Variants in DDHD1 observed in about 807,000 individuals in gnomAD.
DDHD1 encodes phospholipase DDHD1.
Under a neutral mutation model 96.4 loss-of-function variants are expected in DDHD1, and 49 were observed. The ratio of observed to expected loss-of-function variants is 0.51; its 90% confidence interval spans 0.40 to 0.64. The LOEUF is 0.64. Among genes scored for constraint, DDHD1 ranks in the 30% least tolerant of loss-of-function variants. DDHD1 has a pLI of 0.00. For missense variants in DDHD1, 1,106 were observed against 1,161.2 expected (o/e 0.95, Z 0.69); for synonymous variants, 442 against 446.5 (o/e 0.99, Z 0.13).
At position 53,152,121 on chromosome 14, in the gene DDHD1, C is replaced by A; in HGVS notation, c.838+140G>T. 4.7e-6 allele frequency: 4 copies of A among 854,920 alleles called. No homozygotes were observed. In the Admixed American group the frequency reaches 1.0e-4, roughly 22 times the overall value. The allele number at this position is 854,920 out of a possible 1,614,324, so 53.0% of individuals were successfully genotyped here. The stretch of plus-strand genomic sequence containing the variant: ...ACCCTTCAGCTGCCGACGCTCCCTG[C>A]TCAATCTCCATCCTGCCCCAGCCAA... On this transcript the variant is annotated intron_variant, in intron 1 of 12. Transcript: ENST00000673822.
intron 1 of DDHD1, among the ~76,000 whole-genome samples, chr14:53,140,653 A>G (rs1251614842): frequency 6.6e-6 from 1 of 152,220 alleles, no homozygotes; most frequent in Non-Finnish European, 1.5e-5. Context: ...AATCCCAAAG[A>G]AGGCAGGAAA....
At chr14:53,122,965 T>C (rs1412724323) in intron 1 of DDHD1, among the ~76,000 whole-genome samples, 1 of 151,874 alleles carries the variant, frequency 6.6e-6, no homozygotes, top group East Asian at 1.9e-4. Context: ...GAAACCCAAA[T>C]AGTTAACAAA....
chr14:53,077,463 A>G (rs1885070262), intron 4 of DDHD1, among the ~76,000 whole-genome samples: 1 of 152,162 alleles, frequency 6.6e-6, no homozygotes, highest in Non-Finnish European at 1.5e-5. Context: ...ATAAATGGTT[A>G]ATTCTTCCCT....
chr14:53,132,967 G>A (rs912564530), intron 1 of DDHD1, among the ~76,000 whole-genome samples: 1 of 152,080 alleles, frequency 6.6e-6, no homozygotes, highest in Non-Finnish European at 1.5e-5. Flanking sequence ...CCCACATAAG[G>A]CAAATGGTTC....
chr14:53,114,565 G>A (rs1888401153), intron 1 of DDHD1, among the ~76,000 whole-genome samples: 1 of 152,218 alleles, frequency 6.6e-6, no homozygotes, highest in Non-Finnish European at 1.5e-5. Context: ...TTGCTGTTCT[G>A]CAGCTTCCAC....
intron 4 of DDHD1, among the ~76,000 whole-genome samples, chr14:53,079,950 C>T (rs1198281117): frequency 6.6e-6 from 1 of 152,208 alleles, no homozygotes; most frequent in Non-Finnish European, 1.5e-5. Context: ...GATACTGCCA[C>T]ATACTCGTTT....
At chr14:53,093,531 A>G (rs1430912971) in intron 2 of DDHD1, 87 bp from the exon 3 acceptor site, 2 of 1,519,514 alleles carry the variant, frequency 1.3e-6, no homozygotes, top group African/African-American at 1.4e-5. Flanking sequence ...TTTTAAAATC[A>G]ATATGTTATC....
chr14:53,137,967 T>C (rs777475343), intron 1 of DDHD1, among the ~76,000 whole-genome samples: 18 of 152,102 alleles, frequency 1.2e-4, no homozygotes, highest in Admixed American at 1.3e-4. Flanking sequence ...AAACTTCTCA[T>C]CAGAAACTAT....
chr14:53,095,164 T>C (rs1162407089), intron 2 of DDHD1, among the ~76,000 whole-genome samples: 2 of 152,208 alleles, frequency 1.3e-5, no homozygotes, highest in Admixed American at 6.5e-5. Context: ...CTCTGGTATA[T>C]AGGTAGGAAA....
chr14:53,061,541 G>T (rs958129543), intron 7 of DDHD1, among the ~76,000 whole-genome samples: 5 of 151,966 alleles, frequency 3.3e-5, no homozygotes, highest in Admixed American at 2.0e-4. Context: ...ATACTTAAGA[G>T]TTTAGAGATC....
chr14:53,081,057 TTA>T (rs1160617772), intron 4 of DDHD1, among the ~76,000 whole-genome samples: 4 of 152,318 alleles, frequency 2.6e-5, no homozygotes, highest in African/African-American at 9.6e-5. Flanking sequence ...TGCATTATAA[TTA>T]TGTTTATTGA....
chr14:53,059,782 T>G (rs1883383520), intron 8 of DDHD1, among the ~76,000 whole-genome samples: 1 of 141,292 alleles, frequency 7.1e-6, no homozygotes. Context: ...GAGAATCACT[T>G]GAATCGGAGG....
intron 12 of DDHD1, chr14:53,049,176 G>C (rs1006579406): frequency 4.2e-4 from 64 of 152,076 alleles, no homozygotes; most frequent in African/African-American, 1.5e-3. Context: ...TATATTATGT[G>C]CCCTTATCAT....
At chr14:53,151,865 G>A (rs1891402457) in intron 1 of DDHD1, among the ~76,000 whole-genome samples, 1 of 152,134 alleles carries the variant, frequency 6.6e-6, no homozygotes, top group South Asian at 2.1e-4. Context: ...TCCTACTCCA[G>A]AAGACGTGCC....
In DDHD1 at chr14:53,152,584, T is replaced by C. The variant is rs376704556; in HGVS notation, c.515A>G (p.Tyr172Cys). ...CTTCCAGGTCTTCTTGTCCTCCTTG[T>C]AGAACCAGCGTACCTCCTCCGGGCC... is the stretch of plus-strand genomic sequence containing the variant. ...ELGPEEVRWF[Y>C]KEDKKTWKPF... is the part of the protein sequence containing the mutation. The change falls in exon 1 of 13, where the codon TAC (tyrosine) becomes TGC (cysteine). Residue 172 changes from tyrosine (Y) to cysteine (C), a missense_variant. This residue lies in a region of DDHD1 where 456 missense variants were observed against 402.4 expected (regional missense o/e 1.13). Transcript: ENST00000673822. 14 of 1,613,726 alleles carry C rather than the reference T, an allele frequency of 8.7e-6. No individual in the cohort carries two copies. The highest frequency in any genetic ancestry group is 4.5e-5 in the East Asian group (2 of 44,860).
chr14:53,105,639 C>A (rs1184712062), intron 1 of DDHD1, among the ~76,000 whole-genome samples: 2 of 152,144 alleles, frequency 1.3e-5, no homozygotes, highest in African/African-American at 4.8e-5. Context: ...CCTGTAATAT[C>A]ATATACATTC....
At position 53,046,160 on chromosome 14, in the gene DDHD1, T is replaced by C. The variant is rs1036405481; in HGVS notation, c.*608A>G. 4 of 152,192 alleles carry C rather than the reference T, an allele frequency of 2.6e-5. No individual in the cohort carries two copies. Among genetic ancestry groups the C allele is most frequent in the African/African-American group, 9.6e-5 (4 of 41,460 alleles). 9.4% of individuals were successfully genotyped at this position (152,192 alleles called of 1,614,324 possible). On this transcript the variant is annotated 3_prime_UTR_variant, in exon 13 of 13. Transcript: ENST00000673822. ...AAATAAATCTGGTTCTTAAATTATG[T>C]TCAAAGCAAACATTAAAACAGTAAT...
chr14:53,062,844 G>A, intron 7 of DDHD1, 99 bp downstream of exon 7: 1 of 1,241,982 alleles, frequency 8.1e-7, no homozygotes, highest in Non-Finnish European at 1.1e-6. Flanking sequence ...CTTGAACAAT[G>A]CATTATTTCT....
chr14:53,114,272 G>T lies in DDHD1; in HGVS notation c.839-10416C>A, dbSNP rs149995148. Among the ~76,000 whole-genome samples, 4 of 152,360 alleles carry T rather than the reference G, an allele frequency of 2.6e-5. No individual in the cohort carries two copies. The East Asian group carries it at 7.7e-4, about 29-fold the overall frequency. Reference sequence around the variant, plus strand: ...CCCTCGGACACAGCACCTGGGGGAAGGGGTGGCTGTGGGCACGAGGCTTCA... The same window carrying T: ...CCCTCGGACACAGCACCTGGGGGAATGGGTGGCTGTGGGCACGAGGCTTCA... On this transcript the variant is annotated intron_variant, in intron 1 of 12. Transcript: ENST00000673822.
Sources: allele counts gnomAD v4.1 joint callset (sites outside exome capture counted in the v4.1 genomes callset), GRCh38; gene constraint gnomAD v4.1.1; regional missense constraint gnomAD v4.1.1; transcripts MANE v1.5; gene names NCBI Gene and HGNC (gene_info 2026-07-23, HGNC 2026-07-21).